The following PKHD1 variants were observed in gnomAD, a reference collection of about 807,000 sequenced individuals.
PKHD1 encodes the protein fibrocystin.
In PKHD1, 291 loss-of-function variants were observed where a neutral mutation model predicts 412.0. The observed-to-expected ratio is 0.71, with a 90% CI of 0.64 to 0.78. The LOEUF (loss-of-function observed/expected upper bound fraction) is 0.78. Among genes scored for constraint, PKHD1 ranks in the 30% least tolerant of loss-of-function variants. The pLI is 0.00. For missense variants in PKHD1, 4,825 were observed against 4,950.7 expected, an observed-to-expected ratio of 0.97 and a Z score of 0.76; for synonymous variants, 1,777 against 1,821.5, an observed-to-expected ratio of 0.98 and a Z score of 0.62.
At chr6:52,031,649 T>C (rs1029859898) in intron 29 of PKHD1, among the ~76,000 whole-genome samples, 1 of 152,196 alleles carries the variant, frequency 6.6e-6, no homozygotes, top group Non-Finnish European at 1.5e-5. Flanking sequence ...GCACTCCCCA[T>C]CCTTGGTCCC....
chr6:51,660,638 C>A (rs1211174897), intron 60 of PKHD1, among the ~76,000 whole-genome samples: 1 of 152,122 alleles, frequency 6.6e-6, no homozygotes, highest in African/African-American at 2.4e-5. Flanking sequence ...CTCAGGGAAA[C>A]ATTTACTTAT....
At position 52,079,895 on chromosome 6, in the gene PKHD1, C is replaced by A. The variant is rs1279640211; in HGVS notation, c.390+5G>T. On this transcript the variant is annotated splice_donor_5th_base_variant and intron_variant, in intron 5 of 66. Coordinates refer to ENST00000371117, the MANE Select transcript of PKHD1 (RefSeq NM_138694.4). The stretch of plus-strand genomic sequence containing the variant: ...AACATACCTTCCTCCAGCCTTAGAA[C>A]CCACCTTGAAAGTACAGCTATCTCG... The A allele has an allele frequency of 6.6e-7, 1 of 1,513,362 alleles. No individual in the cohort carries two copies. Among genetic ancestry groups the A allele is most frequent in the South Asian group, 1.1e-5 (1 of 89,066 alleles). 93.7% of individuals were successfully genotyped at this position (1,513,362 alleles called of 1,614,324 possible). A position where few individuals can be genotyped will look rare whatever the true frequency, so the allele number is the denominator to read the frequency against.
At chr6:52,062,064 G>C (rs115783576) in intron 14 of PKHD1, among the ~76,000 whole-genome samples, 2,875 of 152,214 alleles carry the variant, frequency 0.019, 91 homozygotes, top group African/African-American at 0.066. Context: ...TACTATACAA[G>C]GGCCATTGGG....
intron 42 of PKHD1, 125 bp downstream of exon 42, chr6:51,903,855 ATATATT>A (rs1453957392): frequency 1.3e-5 from 5 of 372,390 alleles, no homozygotes; most frequent in East Asian, 1.1e-4. Flanking sequence ...ATATATATAT[ATATATT>A]TAGAAAATAT....
Position 51,868,179 on chromosome 6 carries a change from G to A in PKHD1, c.7487-70C>T, listed in dbSNP as rs370276087. On this transcript the variant is annotated intron_variant, in intron 47 of 66. Transcript: ENST00000371117. ...AGCAACTAAATTCACTGGAGTGATG[G>A]TCTTAGGATTTAAATTGCATATTTA... 9.6e-4 allele frequency: 1,238 copies of A among 1,295,892 alleles called. 24 individuals are homozygous for A. In the South Asian group the frequency reaches 0.014, roughly 15 times the overall value. The allele number at this position is 1,295,892 out of a possible 1,614,324, so 80.3% of individuals were successfully genotyped here.
At chr6:51,778,344 C>T (rs1018586412) in intron 53 of PKHD1, among the ~76,000 whole-genome samples, 12 of 152,016 alleles carry the variant, frequency 7.9e-5, no homozygotes, top group Non-Finnish European at 8.8e-5. Context: ...AAAGACATTC[C>T]GGATATTTTC....
chr6:51,700,946 A>T (rs1161008733), intron 60 of PKHD1, among the ~76,000 whole-genome samples: 1 of 152,106 alleles, frequency 6.6e-6, no homozygotes, highest in East Asian at 1.9e-4. Flanking sequence ...TCTAAACCCC[A>T]GCCAATTAGT....
At chr6:51,644,239 A>G (rs530426238) in intron 63 of PKHD1, among the ~76,000 whole-genome samples, 1 of 152,292 alleles carries the variant, frequency 6.6e-6, no homozygotes, top group African/African-American at 2.4e-5. Flanking sequence ...ATTCATTGAA[A>G]ACAACATCAA....
intron 60 of PKHD1, chr6:51,682,392 A>T: frequency 2.9e-6 from 1 of 341,990 alleles, no homozygotes; most frequent in South Asian, 2.4e-5. Context: ...GAATCTCTTC[A>T]AATTTGCCTT....
At chr6:51,670,907 C>T (rs919938732) in intron 60 of PKHD1, among the ~76,000 whole-genome samples, 36 of 151,850 alleles carry the variant, frequency 2.4e-4, no homozygotes, top group African/African-American at 4.1e-4. Flanking sequence ...GAGTTTCTGC[C>T]GAGAGATCTG....
intron 52 of PKHD1, among the ~76,000 whole-genome samples, chr6:51,819,053 C>A (rs148394242): frequency 1.3e-3 from 199 of 152,150 alleles, no homozygotes; most frequent in African/African-American, 4.5e-3. Flanking sequence ...ATACCCAAAC[C>A]CCTAATTCTT....
chr6:52,022,143 T>C (rs1368803679), intron 33 of PKHD1, among the ~76,000 whole-genome samples: 1 of 152,178 alleles, frequency 6.6e-6, no homozygotes, highest in Non-Finnish European at 1.5e-5. Context: ...ATCCCCAAGC[T>C]TTGCAACTTA....
chr6:51,896,730 C>A (rs1479549628), intron 43 of PKHD1, among the ~76,000 whole-genome samples: 57 of 151,028 alleles, frequency 3.8e-4, no homozygotes, highest in Admixed American at 2.8e-3. Context: ...TACGGGAGGA[C>A]ATTCAAACCA....
chr6:51,695,475 G>A (rs1778690280), intron 60 of PKHD1, among the ~76,000 whole-genome samples: 1 of 152,130 alleles, frequency 6.6e-6, no homozygotes, highest in Non-Finnish European at 1.5e-5. Context: ...AGAAGAAGAG[G>A]AAGGAGAGGA....
intron 60 of PKHD1, among the ~76,000 whole-genome samples, chr6:51,675,189 T>A (rs1331842471): frequency 6.6e-6 from 1 of 152,054 alleles, no homozygotes; most frequent in Non-Finnish European, 1.5e-5. Context: ...ATTAACTACT[T>A]AAGAGGGTGA....
chr6:51,622,863 C>G (rs1419766232), intron 66 of PKHD1: 1 of 151,886 alleles, frequency 6.6e-6, no homozygotes, highest in East Asian at 1.9e-4. Context: ...TTTGCTAAAC[C>G]TTTTATAAAC....
intron 28 of PKHD1, among the ~76,000 whole-genome samples, chr6:52,034,196 A>C (rs1562192429): frequency 6.8e-6 from 1 of 147,366 alleles, no homozygotes; most frequent in Non-Finnish European, 1.5e-5. Flanking sequence ...AAAAAAAAGA[A>C]CTATAAAAGA....
In PKHD1 at chr6:52,084,884, G is replaced by A. The variant is rs755654557; in HGVS notation, c.50C>T (p.Ala17Val). The A allele has an allele frequency of 1.2e-5, 19 of 1,593,308 alleles. No individual in the cohort carries two copies. The highest frequency in any genetic ancestry group is 1.6e-5 in the Non-Finnish European group (19 of 1,161,276). The change falls in exon 2 of 67, where the codon GCA becomes GTA. Residue 17 changes from alanine (A) to valine (V), a missense_variant and splice_region_variant. By Grantham distance (64) the Ala-to-Val change is moderately conservative. Coordinates refer to ENST00000371117, the MANE Select transcript of PKHD1 (RefSeq NM_138694.4). The part of the protein sequence containing the change: ...SLMSIEVLLL[A>V]VRHLSLHIEP... ...CCTTCAAAACACATTCTACTGACCT[G>A]CCAAAAGTAGTACTTCAATACTCAT...
At chr6:51,729,512 A>T (rs772377301) in intron 60 of PKHD1, among the ~76,000 whole-genome samples, 2 of 152,104 alleles carry the variant, frequency 1.3e-5, no homozygotes, top group Non-Finnish European at 2.9e-5. Context: ...AAGAGGCATG[A>T]TATATTTTCT....
Sources: gnomAD v4.1 joint callset for allele counts (sites outside exome capture counted in the v4.1 genomes callset) on GRCh38, gnomAD v4.1.1 for gene constraint, MANE v1.5 for transcripts, NCBI Gene and HGNC (gene_info 2026-07-23, HGNC 2026-07-21) for gene names.